The following IL20RB variants were observed in gnomAD, a reference collection of about 807,000 sequenced individuals.
IL20RB encodes interleukin 20 receptor subunit beta, also known as interleukin-20 receptor subunit beta.
In IL20RB, 21 loss-of-function variants were observed where a neutral mutation model predicts 33.3. That is an observed-to-expected ratio of 0.63 (90% CI 0.45 to 0.91). The LOEUF (loss-of-function observed/expected upper bound fraction) is 0.91. Among genes scored for constraint, IL20RB ranks in the 40% least tolerant of loss-of-function variants. IL20RB has a pLI of 0.00. For missense variants in IL20RB, 345 were observed against 384.8 expected (o/e 0.90, Z 0.86); for synonymous variants, 147 against 146.8 (o/e 1.00, Z -0.01).
At chr3:136,978,926 A>G in intron 1 of IL20RB, among the ~76,000 whole-genome samples, 1 of 152,286 alleles carries the variant, frequency 6.6e-6, no homozygotes, top group East Asian at 1.9e-4. Context: ...AGAGCTTTAA[A>G]GTTATATAAT....
intron 1 of IL20RB, 51 bp downstream of exon 1, chr3:136,958,252 A>G: frequency 9.0e-7 from 1 of 1,106,398 alleles, no homozygotes; most frequent in Non-Finnish European, 1.4e-6. Context: ...AATATAGGTT[A>G]AGAAGGCAAA....
intron 1 of IL20RB, among the ~76,000 whole-genome samples, chr3:136,970,768 T>C (rs1941458706): frequency 6.6e-6 from 1 of 152,034 alleles, no homozygotes; most frequent in African/African-American, 2.4e-5. Flanking sequence ...TTCTCCTGCC[T>C]CAGCCTCCCC....
intron 6 of IL20RB, among the ~76,000 whole-genome samples, chr3:137,003,157 G>C (rs1462221701): frequency 2.6e-5 from 4 of 152,172 alleles, no homozygotes; most frequent in Admixed American, 2.6e-4. Context: ...GTACCATGCT[G>C]TTTTGGTTAC....
chr3:136,985,308 A>AAC (rs1941872961), intron 3 of IL20RB, among the ~76,000 whole-genome samples: 1 of 150,768 alleles, frequency 6.6e-6, no homozygotes, highest in Non-Finnish European at 1.5e-5. Flanking sequence ...GGCTCTCCTG[A>AAC]AAAGGATCCC....
chr3:136,981,703 G>A (rs1322075998), intron 2 of IL20RB, among the ~76,000 whole-genome samples: 8 of 152,212 alleles, frequency 5.3e-5, no homozygotes, highest in Non-Finnish European at 1.5e-5. Context: ...AGAATATCAC[G>A]CTTCGGAGCA....
chr3:136,984,768 AATGGAATGGAATGACTTC>A (rs1395690610), intron 3 of IL20RB, among the ~76,000 whole-genome samples: 1 of 152,020 alleles, frequency 6.6e-6, no homozygotes. Flanking sequence ...ACTGGAATGG[AATGGAATGGAATGACTTC>A]ATGGAATGGA....
intron 3 of IL20RB, among the ~76,000 whole-genome samples, chr3:136,985,367 C>T (rs1015175851): frequency 5.3e-5 from 8 of 149,678 alleles, no homozygotes; most frequent in South Asian, 2.1e-4. Context: ...GATGGAGTTC[C>T]GCTCTTGTTG....
At chr3:136,988,619 T>C (rs980926091) in intron 3 of IL20RB, among the ~76,000 whole-genome samples, 70 of 152,054 alleles carry the variant, frequency 4.6e-4, no homozygotes, top group African/African-American at 1.5e-3. Context: ...GATGTGTGCC[T>C]GTAGTTCCAG....
intron 2 of IL20RB, among the ~76,000 whole-genome samples, chr3:136,981,168 T>G (rs993797312): frequency 4.6e-5 from 7 of 152,102 alleles, no homozygotes; most frequent in African/African-American, 1.2e-4. Flanking sequence ...GGTTTCTGGA[T>G]TTTGAGAGCT....
At chr3:136,978,650 C>CT (rs1941687870) in intron 1 of IL20RB, among the ~76,000 whole-genome samples, 1 of 152,074 alleles carries the variant, frequency 6.6e-6, no homozygotes, top group Non-Finnish European at 1.5e-5. Flanking sequence ...GTATATAGTT[C>CT]TTTTTGTACA....
At chr3:136,973,941 A>G (rs1247120020) in intron 1 of IL20RB, among the ~76,000 whole-genome samples, 1 of 152,028 alleles carries the variant, frequency 6.6e-6, no homozygotes, top group African/African-American at 2.4e-5. Context: ...CTTTTAGTCC[A>G]TATATGTCTT....
At chr3:136,994,048 G>A (rs749780818) in intron 5 of IL20RB, among the ~76,000 whole-genome samples, 1 of 151,834 alleles carries the variant, frequency 6.6e-6, no homozygotes, top group Middle Eastern at 3.2e-3. Flanking sequence ...ATATGTAAAT[G>A]AAAGGCTGTT....
intron 3 of IL20RB, among the ~76,000 whole-genome samples, chr3:136,987,593 C>G (rs1043642106): frequency 1.8e-4 from 28 of 152,370 alleles, no homozygotes; most frequent in Non-Finnish European, 4.1e-4. Context: ...GTCCGCACTC[C>G]TCAGCCCTTG....
At chr3:136,995,294 CTG>C in intron 5 of IL20RB, 118 bp from the exon 6 acceptor site, 1 of 1,164,204 alleles carries the variant, frequency 8.6e-7, no homozygotes, top group Non-Finnish European at 1.2e-6. Flanking sequence ...TCTCAGGATT[CTG>C]TTATCTGCCG....
intron 2 of IL20RB, 54 bp downstream of exon 2, chr3:136,980,646 A>G (rs1941748419): frequency 6.2e-7 from 1 of 1,606,038 alleles, no homozygotes; most frequent in African/African-American, 1.3e-5. Flanking sequence ...TGGTTCCTGA[A>G]GGCATAGCCC....
rs769493309 is a variant in IL20RB at position 136,995,461 on chromosome 3, A to C, written c.730A>C (p.Met244Leu). The C allele has an allele frequency of 1.9e-6, 3 of 1,614,132 alleles. No individual in the cohort carries two copies. The highest frequency in any genetic ancestry group is 2.2e-5 in the South Asian group (2 of 91,070). Residue 244 changes from methionine (M) to leucine (L), a missense_variant, in exon 6 of 7, where the codon ATG (methionine) becomes CTG (leucine). Met to Leu is a conservative substitution (Grantham distance 15, BLOSUM62 2). Transcript: ENST00000329582. ...VLALFAFVGF[M>L]LILVVVPLFV... is the part of the protein sequence containing the mutation. ...GGCCCTGTTTGCCTTTGTTGGCTTC[A>C]TGCTGATCCTTGTGGTCGTGCCACT...
At chr3:136,992,298 C>T (rs556891400) in intron 5 of IL20RB, among the ~76,000 whole-genome samples, 8 of 152,300 alleles carry the variant, frequency 5.3e-5, no homozygotes, top group East Asian at 1.9e-4. Flanking sequence ...GGTGGGGTTA[C>T]GAGCAGCTGT....
At chr3:136,958,668 A>T (rs1269805047) in intron 1 of IL20RB, among the ~76,000 whole-genome samples, 1 of 152,224 alleles carries the variant, frequency 6.6e-6, no homozygotes, top group Admixed American at 6.5e-5. Flanking sequence ...TGGTCATTGA[A>T]GAAAAGGTAC....
intron 1 of IL20RB, among the ~76,000 whole-genome samples, chr3:136,974,220 C>T (rs1227273427): frequency 6.6e-6 from 1 of 151,994 alleles, no homozygotes; most frequent in Non-Finnish European, 1.5e-5. Flanking sequence ...CTTTGTGTGA[C>T]TGCTTTACCT....
Sources: allele counts gnomAD v4.1 joint callset (sites outside exome capture counted in the v4.1 genomes callset), GRCh38; gene constraint gnomAD v4.1.1; transcripts MANE v1.5; gene names NCBI Gene and HGNC (gene_info 2026-07-23, HGNC 2026-07-21).